Variants in LRRK1 observed in about 807,000 individuals in gnomAD.
LRRK1 encodes the protein leucine-rich repeat serine/threonine-protein kinase 1.
Under a neutral mutation model 209.1 loss-of-function variants are expected in LRRK1, and 113 were observed. That is an observed-to-expected ratio of 0.54 (90% CI 0.46 to 0.63). The LOEUF is 0.63. LRRK1 is among the 30% of genes least tolerant of loss of function. The probability of loss-of-function intolerance (pLI) is 0.00; values close to 1 mark genes in which losing one functional copy is unlikely to be tolerated. For missense variants in LRRK1, 2,284 were observed against 2,632.2 expected, an observed-to-expected ratio of 0.87 and a Z score of 2.89; for synonymous variants, 1,144 against 1,099.7, an observed-to-expected ratio of 1.04 and a Z score of -0.80.
At chr15:100,938,707 A>G (rs2042347561) in intron 2 of LRRK1, among the ~76,000 whole-genome samples, 1 of 152,186 alleles carries the variant, frequency 6.6e-6, no homozygotes, top group East Asian at 1.9e-4. Context: ...ATACGTTTAA[A>G]TGTATGTTTA....
intron 12 of LRRK1, among the ~76,000 whole-genome samples, chr15:101,018,297 C>T (rs1371228892): frequency 2.6e-5 from 4 of 151,990 alleles, no homozygotes; most frequent in South Asian, 2.1e-4. Flanking sequence ...CTTAACCACA[C>T]GAATAGGGAA....
chr15:101,015,612 C>G (rs930538644), intron 12 of LRRK1, among the ~76,000 whole-genome samples: 1 of 152,232 alleles, frequency 6.6e-6, no homozygotes, highest in African/African-American at 2.4e-5. Flanking sequence ...TATCCTCAAG[C>G]CCCACTCTCC....
At chr15:100,969,953 A>C (rs567548005) in intron 2 of LRRK1, among the ~76,000 whole-genome samples, 3 of 150,996 alleles carry the variant, frequency 2.0e-5, no homozygotes, top group African/African-American at 7.3e-5. Context: ...CAGTGGTGCT[A>C]CCTCAGCTCA....
At chr15:100,969,186 C>T (rs548544197) in intron 2 of LRRK1, among the ~76,000 whole-genome samples, 27 of 152,192 alleles carry the variant, frequency 1.8e-4, no homozygotes, top group Admixed American at 2.6e-4. Context: ...TGGAGTTATA[C>T]GAGTTTTTAT....
chr15:101,058,286 A>G lies in LRRK1; in HGVS notation c.4679+145A>G, dbSNP rs1462117867. ...AACCTGGTTAGACTGCACTCAAGAA[A>G]GAGCAGGGAGAGCAGAAGAAAGTCC... On this transcript the variant is annotated intron_variant, in intron 29 of 33. Coordinates refer to ENST00000388948, the MANE Select transcript of LRRK1 (RefSeq NM_024652.6). 1.2e-5 allele frequency: 9 copies of G among 752,450 alleles called. No individual in the cohort carries two copies. The South Asian group carries it at 1.3e-4, about 11-fold the overall frequency. The allele number at this position is 752,450 out of a possible 1,614,324, so 46.6% of individuals were successfully genotyped here. A position where few individuals can be genotyped will look rare whatever the true frequency, so the allele number is the denominator to read the frequency against.
chr15:100,949,106 C>T (rs184182595), intron 2 of LRRK1, among the ~76,000 whole-genome samples: 1 of 151,982 alleles, frequency 6.6e-6, no homozygotes, highest in South Asian at 2.1e-4. Context: ...AAAAAACCAA[C>T]GATTTTTGTT....
intron 2 of LRRK1, among the ~76,000 whole-genome samples, chr15:100,966,693 G>C (rs551013731): frequency 2.0e-4 from 31 of 152,218 alleles, no homozygotes; most frequent in Admixed American, 5.9e-4. Flanking sequence ...TCAGCCCACA[G>C]GGTCGGTGAG....
intron 2 of LRRK1, among the ~76,000 whole-genome samples, chr15:100,956,853 C>G (rs892876897): frequency 6.6e-6 from 1 of 152,114 alleles, no homozygotes; most frequent in African/African-American, 2.4e-5. Flanking sequence ...TCAGTTTGCT[C>G]TTTTTCTAGT....
intron 2 of LRRK1, among the ~76,000 whole-genome samples, chr15:100,932,703 T>A (rs1200440302): frequency 1.3e-5 from 2 of 152,172 alleles, no homozygotes; most frequent in Non-Finnish European, 2.9e-5. Context: ...CTGTTTCTGG[T>A]TTTAGTTCTT....
At chr15:100,978,964 A>G (rs2031452616) in intron 3 of LRRK1, among the ~76,000 whole-genome samples, 1 of 152,202 alleles carries the variant, frequency 6.6e-6, no homozygotes, top group South Asian at 2.1e-4. Flanking sequence ...ACCAATGCCC[A>G]TTATGAATGT....
rs542795891 is a variant in LRRK1, at chr15:100,953,646, G to A, written c.98-20158G>A. 5.9e-5 allele frequency among the ~76,000 whole-genome samples: 9 copies of A among 151,982 alleles called. No homozygotes were observed. The East Asian group carries it at 1.7e-3, about 29-fold the overall frequency. On this transcript the variant is annotated intron_variant, in intron 2 of 33. Transcript: ENST00000388948. ...ATAATGCTACATACCGTTAATATGG[G>A]GTTACAGATATCTCTTCGAGATACT...
At chr15:101,011,038 C>A (rs545300812) in intron 9 of LRRK1, among the ~76,000 whole-genome samples, 1 of 152,234 alleles carries the variant, frequency 6.6e-6, no homozygotes, top group East Asian at 1.9e-4. Context: ...TGAAAGCCAG[C>A]CTGCCTGGCT....
intron 2 of LRRK1, among the ~76,000 whole-genome samples, chr15:100,946,974 T>C (rs2042550585): frequency 6.6e-6 from 1 of 152,184 alleles, no homozygotes; most frequent in African/African-American, 2.4e-5. Context: ...TTCTTTTTTC[T>C]TTTTCTTTTT....
intron 10 of LRRK1, among the ~76,000 whole-genome samples, chr15:101,012,746 G>A (rs958793730): frequency 1.7e-4 from 26 of 152,156 alleles, no homozygotes; most frequent in Non-Finnish European, 3.7e-4. Context: ...TGTGTGCGGC[G>A]ACCCCCACAA....
At chr15:100,925,920 G>A (rs1314010463) in intron 2 of LRRK1, among the ~76,000 whole-genome samples, 2 of 152,192 alleles carry the variant, frequency 1.3e-5, no homozygotes, top group African/African-American at 4.8e-5. Flanking sequence ...GGAGGTGAAA[G>A]GGTCAACAGG....
At chr15:101,021,784 G>A in intron 13 of LRRK1, 61 bp from the exon 14 acceptor site, 3 of 37,718 alleles carry the variant, frequency 8.0e-5, no homozygotes, top group Non-Finnish European at 8.8e-5. Context: ...GCGTGTGTGT[G>A]TGTGTGTGTG....
intron 6 of LRRK1, among the ~76,000 whole-genome samples, chr15:100,992,753 C>T (rs1208983115): frequency 1.3e-5 from 2 of 152,134 alleles, no homozygotes; most frequent in African/African-American, 4.8e-5. Flanking sequence ...ACTGTAACCT[C>T]CACCTCCCGG....
intron 33 of LRRK1, among the ~76,000 whole-genome samples, chr15:101,067,719 T>C (rs147760143): frequency 2.6e-5 from 4 of 152,322 alleles, no homozygotes; most frequent in African/African-American, 9.6e-5. Flanking sequence ...GGAAGCAAGA[T>C]CTGGATCTGC....
intron 2 of LRRK1, among the ~76,000 whole-genome samples, chr15:100,933,004 G>A (rs539555281): frequency 1.3e-5 from 2 of 152,190 alleles, no homozygotes; most frequent in East Asian, 1.9e-4. Context: ...TACCTCCATC[G>A]GCCTCCCGCC....
Sources: allele counts gnomAD v4.1 joint callset (sites outside exome capture counted in the v4.1 genomes callset), GRCh38; gene constraint gnomAD v4.1.1; transcripts MANE v1.5; gene names NCBI Gene and HGNC (gene_info 2026-07-23, HGNC 2026-07-21).